The following DNAH7 variants were observed in gnomAD, a reference collection of about 807,000 sequenced individuals.
DNAH7 encodes dynein axonemal heavy chain 7.
DNAH7 carries 397 observed loss-of-function variants against 444.6 expected under a neutral mutation model. The observed-to-expected ratio is 0.89, with a 90% CI of 0.82 to 0.97. DNAH7 has a LOEUF of 0.97. DNAH7 is among the 50% of genes least tolerant of loss of function. The probability of loss-of-function intolerance (pLI) is 0.00; values close to 1 mark genes in which losing one functional copy is unlikely to be tolerated. For synonymous variants in DNAH7, 1,636 were observed against 1,624.4 expected (o/e 1.01, Z -0.17); for missense variants, 4,902 against 4,800.8 (o/e 1.02, Z -0.62).
Position 195,936,662 on chromosome 2 carries a change from CTG to C in DNAH7, c.3207_3208del (p.Arg1070IlefsTer7). ...TTCATCATTGGACAAAAAAAAGAAT[CTG>C]GGGAAAAAGAGGCGTTTCTTTTCCA... On this transcript the variant is annotated frameshift_variant, in exon 20 of 65. Transcript: ENST00000312428. LOFTEE classifies it high-confidence loss of function. 1 of 1,605,454 alleles carries C rather than the reference CTG, an allele frequency of 6.2e-7. No homozygotes were observed. The highest frequency in any genetic ancestry group is 8.5e-7 in the Non-Finnish European group (1 of 1,177,138).
chr2:195,873,500 A>T, intron 39 of DNAH7, 68 bp downstream of exon 39: 1 of 987,168 alleles, frequency 1.0e-6, no homozygotes, highest in Non-Finnish European at 1.4e-6. Flanking sequence ...TACGCTACTT[A>T]ATATTGATAT....
At chr2:195,982,591 A>C (rs1692646554) in intron 15 of DNAH7, among the ~76,000 whole-genome samples, 1 of 152,238 alleles carries the variant, frequency 6.6e-6, no homozygotes, top group South Asian at 2.1e-4. Flanking sequence ...AGTGTCCATC[A>C]ACAGATGAAT....
chr2:195,849,448 A>T (rs1011223813), intron 46 of DNAH7, among the ~76,000 whole-genome samples: 1 of 152,200 alleles, frequency 6.6e-6, no homozygotes, highest in African/African-American at 2.4e-5. Context: ...TCTCCCTAGC[A>T]TAAGTACTTA....
At chr2:195,744,454 C>T (rs1167425012) in intron 63 of DNAH7, among the ~76,000 whole-genome samples, 1 of 152,212 alleles carries the variant, frequency 6.6e-6, no homozygotes, top group Non-Finnish European at 1.5e-5. Context: ...ACAGCAGTAA[C>T]CTCTGCAGAC....
Position 196,019,196 on chromosome 2 carries a change from T to C in DNAH7, c.843A>G (p.Val281=). The part of the protein sequence containing the change: ...LNAMNPTMLA[V]LDLWHTNFKK... ...TAAAATTAGTGTGCCACAAATCTAGTACAGCCAGCATTGTGGGGTTCATTG... is the reference window on the plus strand; with the variant it reads ...TAAAATTAGTGTGCCACAAATCTAGCACAGCCAGCATTGTGGGGTTCATTG... The change falls in exon 9 of 65, where the codon GTA becomes GTG. Residue 281 remains valine, a synonymous_variant. Coordinates refer to ENST00000312428, the MANE Select transcript of DNAH7 (RefSeq NM_018897.3). 1 of 1,505,514 alleles carries C rather than the reference T, an allele frequency of 6.6e-7. No homozygotes were observed. The allele number at this position is 1,505,514 out of a possible 1,614,324, so 93.3% of individuals were successfully genotyped here.
chr2:195,872,597 A>C (rs1700784102), intron 39 of DNAH7, 128 bp from the exon 40 acceptor site: 1 of 502,528 alleles, frequency 2.0e-6, no homozygotes, highest in Non-Finnish European at 3.4e-6. Flanking sequence ...TTATAAAATT[A>C]CCATATCTTA....
chr2:196,027,860 T>C (rs1695787199), intron 6 of DNAH7, 100 bp downstream of exon 6: 2 of 1,024,878 alleles, frequency 2.0e-6, no homozygotes, highest in African/African-American at 1.6e-5. Context: ...GTCCACAGAG[T>C]TTCACAAAGG....
chr2:195,816,783 GC>G lies in DNAH7; in HGVS notation c.9605del (p.Gly3202AlafsTer19), dbSNP rs1190949985. 1 of 1,614,178 alleles carries G rather than the reference GC, an allele frequency of 6.2e-7. No individual in the cohort carries two copies. The highest frequency in any genetic ancestry group is 1.7e-5 in the Admixed American group (1 of 60,026). On this transcript the variant is annotated frameshift_variant, in exon 51 of 65. Coordinates refer to ENST00000312428, the MANE Select transcript of DNAH7 (RefSeq NM_018897.3). LOFTEE classifies it high-confidence loss of function. Reference protein sequence around the residue: ...TEKKIDTTRMGYRPIAIHSSI... With the variant: ...TEKKIDTTRMXYRPIAIHSSI... The stretch of plus-strand genomic sequence containing the variant: ...AAGAATGGATGGCAATAGGACGATA[GC>G]CCATGCGGGTGGTGTCAATCTTTTT...
chr2:195,918,221 TA>T (rs1687805976), intron 24 of DNAH7, among the ~76,000 whole-genome samples: 1 of 152,184 alleles, frequency 6.6e-6, no homozygotes, highest in Admixed American at 6.5e-5. Context: ...AATTGCAAAA[TA>T]AAGCAAAATG....
At chr2:195,790,404 G>T (rs557468091) in intron 57 of DNAH7, among the ~76,000 whole-genome samples, 1 of 150,492 alleles carries the variant, frequency 6.6e-6, no homozygotes, top group African/African-American at 2.5e-5. Flanking sequence ...CAGAGTCATC[G>T]TATTCCCCAA....
intron 63 of DNAH7, among the ~76,000 whole-genome samples, chr2:195,742,212 G>A (rs1035455994): frequency 1.3e-5 from 2 of 152,148 alleles, no homozygotes; most frequent in African/African-American, 4.8e-5. Context: ...TTACCTCTGT[G>A]GCCAGCTCTA....
chr2:195,877,046 A>C (rs1403839590), intron 36 of DNAH7, among the ~76,000 whole-genome samples: 1 of 152,188 alleles, frequency 6.6e-6, no homozygotes, highest in Non-Finnish European at 1.5e-5. Flanking sequence ...GTTCTTTTTC[A>C]TATATCTTAT....
intron 2 of DNAH7, among the ~76,000 whole-genome samples, chr2:196,051,561 A>T (rs1250323901): frequency 6.6e-6 from 1 of 152,054 alleles, no homozygotes; most frequent in Non-Finnish European, 1.5e-5. Flanking sequence ...AGGTCAGGAG[A>T]TCGAGACCAT....
intron 54 of DNAH7, among the ~76,000 whole-genome samples, chr2:195,802,803 C>T (rs1696536187): frequency 6.6e-6 from 1 of 152,068 alleles, no homozygotes; most frequent in South Asian, 2.1e-4. Context: ...TATCCGTTAC[C>T]CAGATAATGT....
chr2:196,048,817 T>C (rs1302231254), intron 3 of DNAH7, among the ~76,000 whole-genome samples: 2 of 152,210 alleles, frequency 1.3e-5, no homozygotes, highest in African/African-American at 2.4e-5. Context: ...CTCACAAATG[T>C]ATTCCATTGT....
chr2:195,970,592 A>G (rs1015501883), intron 16 of DNAH7, among the ~76,000 whole-genome samples: 5 of 152,286 alleles, frequency 3.3e-5, no homozygotes, highest in Middle Eastern at 3.4e-3. Context: ...TTCTTGTCCA[A>G]TGGGCTCTCT....
intron 10 of DNAH7, among the ~76,000 whole-genome samples, chr2:196,002,652 C>T (rs553187749): frequency 3.1e-4 from 47 of 152,200 alleles, no homozygotes; most frequent in Non-Finnish European, 6.3e-4. Context: ...TTATTCATCC[C>T]TTTAACAAAT....
rs1222113495 is a variant in DNAH7 at position 195,864,770 on chromosome 2, T to C, written c.6885A>G (p.Ile2295Met). The change falls in exon 41 of 65, where the codon ATA becomes ATG. Residue 2295 changes from isoleucine to methionine, a missense_variant. Transcript: ENST00000312428. The part of the protein sequence containing the change: ...EIADVDNLRM[I>M]VEIHLEEYNN... The stretch of plus-strand genomic sequence containing the variant: ...TGTATTCTTCTAGGTGAATTTCTAC[T>C]ATCATTCGAAGATTATCCACATCTG... The C allele has an allele frequency of 3.1e-6, 5 of 1,614,124 alleles. No individual in the cohort carries two copies. The highest frequency in any genetic ancestry group is 4.2e-6 in the Non-Finnish European group (5 of 1,180,052).
intron 29 of DNAH7, among the ~76,000 whole-genome samples, chr2:195,896,402 GT>G (rs1702322797): frequency 6.7e-6 from 1 of 150,010 alleles, no homozygotes. Context: ...TTTATGGATT[GT>G]GTTTTTTGGT....
Sources: allele counts gnomAD v4.1 joint callset (sites outside exome capture counted in the v4.1 genomes callset), GRCh38; gene constraint gnomAD v4.1.1; transcripts MANE v1.5; gene names NCBI Gene and HGNC (gene_info 2026-07-23, HGNC 2026-07-21).